TAFA4: variants seen among roughly 807,000 people sequenced by gnomAD.
TAFA4 encodes TAFA chemokine like family member 4, also known as chemokine-like protein TAFA-4.
Under a neutral mutation model 21.1 loss-of-function variants are expected in TAFA4, and 20 were observed. That is an observed-to-expected ratio of 0.95 (90% CI 0.67 to 1.38). TAFA4 has a LOEUF of 1.38. Ranked by LOEUF, TAFA4 falls within the 40% of genes most tolerant of loss-of-function variation. The probability of loss-of-function intolerance (pLI) is 0.00; values close to 1 mark genes in which losing one functional copy is unlikely to be tolerated. For missense variants in TAFA4, 211 were observed against 180.9 expected (o/e 1.17, Z -0.95); for synonymous variants, 71 against 67.4 (o/e 1.05, Z -0.26).
intron 3 of TAFA4, among the ~76,000 whole-genome samples, chr3:68,819,323 A>C (rs1445605236): frequency 1.3e-5 from 2 of 151,494 alleles, no homozygotes; most frequent in African/African-American, 4.9e-5. Flanking sequence ...ACAACAAAGC[A>C]AAGTGCAATA....
chr3:68,768,875 T>A (rs1702903093), intron 3 of TAFA4, among the ~76,000 whole-genome samples: 1 of 152,184 alleles, frequency 6.6e-6, no homozygotes, highest in African/African-American at 2.4e-5. Flanking sequence ...GACTCATATG[T>A]GCAATCTAAC....
chr3:68,855,139 C>T (rs952468925), intron 3 of TAFA4, among the ~76,000 whole-genome samples: 21 of 152,268 alleles, frequency 1.4e-4, no homozygotes, highest in African/African-American at 4.6e-4. Context: ...GCTTATACAA[C>T]TCAACTCAAA....
chr3:68,785,578 C>A (rs1325302118), intron 3 of TAFA4, among the ~76,000 whole-genome samples: 3 of 152,256 alleles, frequency 2.0e-5, no homozygotes, highest in South Asian at 2.1e-4. Flanking sequence ...CCCACCAAGC[C>A]CACACCCACC....
chr3:68,892,238 C>T (rs1034351584), intron 1 of TAFA4, among the ~76,000 whole-genome samples: 2 of 152,114 alleles, frequency 1.3e-5, no homozygotes, highest in Non-Finnish European at 2.9e-5. Flanking sequence ...CTTTTTATTG[C>T]TTCCTTAAAA....
At chr3:68,895,441 G>T (rs1002269006) in intron 1 of TAFA4, among the ~76,000 whole-genome samples, 1 of 152,100 alleles carries the variant, frequency 6.6e-6, no homozygotes, top group Non-Finnish European at 1.5e-5. Flanking sequence ...AGCTGTTTTT[G>T]GTTTTGTTTG....
chr3:68,826,182 G>A (rs1704230398), intron 3 of TAFA4, among the ~76,000 whole-genome samples: 1 of 152,198 alleles, frequency 6.6e-6, no homozygotes, highest in Admixed American at 6.5e-5. Context: ...CCTGCAGTCG[G>A]AAGGCCCAGA....
chr3:68,750,145 A>G (rs1158799202), intron 4 of TAFA4, among the ~76,000 whole-genome samples: 3 of 152,154 alleles, frequency 2.0e-5, no homozygotes, highest in African/African-American at 4.8e-5. Context: ...CAATAAAGGA[A>G]TGGTGGCCAG....
intron 3 of TAFA4, among the ~76,000 whole-genome samples, chr3:68,867,358 A>G (rs1338452235): frequency 6.6e-6 from 1 of 152,150 alleles, no homozygotes; most frequent in Admixed American, 6.5e-5. Flanking sequence ...TGAAGGACAG[A>G]TGAAGTCTTT....
At chr3:68,911,647 A>G (rs2089962751) in intron 1 of TAFA4, among the ~76,000 whole-genome samples, 1 of 152,246 alleles carries the variant, frequency 6.6e-6, no homozygotes, top group Non-Finnish European at 1.5e-5. Context: ...AGAACAAATC[A>G]GGAAGGGAGA....
At chr3:68,824,586 C>T (rs1189443447) in intron 3 of TAFA4, among the ~76,000 whole-genome samples, 4 of 152,208 alleles carry the variant, frequency 2.6e-5, no homozygotes, top group Non-Finnish European at 5.9e-5. Context: ...AAGCCCTTTT[C>T]ACCATGTAAG....
intron 5 of TAFA4, among the ~76,000 whole-genome samples, chr3:68,737,250 G>GA (rs766344547): frequency 2.2e-4 from 34 of 152,190 alleles, no homozygotes; most frequent in Non-Finnish European, 4.0e-4. Flanking sequence ...AAGGAATTAG[G>GA]AAAAAATAGC....
At chr3:68,812,805 C>T (rs1016695161) in intron 3 of TAFA4, among the ~76,000 whole-genome samples, 1 of 152,174 alleles carries the variant, frequency 6.6e-6, no homozygotes, top group Non-Finnish European at 1.5e-5. Flanking sequence ...GAATTGAACT[C>T]AGCTCTGCAC....
At chr3:68,852,472 C>T (rs1704972975) in intron 3 of TAFA4, among the ~76,000 whole-genome samples, 1 of 152,142 alleles carries the variant, frequency 6.6e-6, no homozygotes, top group Admixed American at 6.5e-5. Context: ...ATTAGCGAGG[C>T]TCCTTGGCTG....
chr3:68,867,435 G>A (rs570143604), intron 3 of TAFA4, among the ~76,000 whole-genome samples: 26 of 152,198 alleles, frequency 1.7e-4, no homozygotes, highest in Admixed American at 1.2e-3. Flanking sequence ...GCTAAATGGA[G>A]TTCTTCAATC....
At position 68,862,747 on chromosome 3, in the gene TAFA4, T is replaced by C. The variant is rs2089363049; in HGVS notation, c.130+17983A>G. 2.6e-5 allele frequency among the ~76,000 whole-genome samples: 4 copies of C among 151,946 alleles called. No individual in the cohort carries two copies. The South Asian group carries it at 8.3e-4, about 31-fold the overall frequency. ...CCTTGGGCTGGTACCGTCTGAGATG[T>C]CTGGAAACTGACATCTATCTCAGTG... On this transcript the variant is annotated intron_variant, in intron 3 of 5. Transcript: ENST00000295569.
chr3:68,780,435 G>T (rs2314317), intron 3 of TAFA4, among the ~76,000 whole-genome samples: 104,478 of 152,026 alleles, frequency 0.69, 36,430 homozygotes, highest in East Asian at 0.98. Context: ...CCATGTAGTG[G>T]GGGAGGGACC....
intron 3 of TAFA4, among the ~76,000 whole-genome samples, chr3:68,757,997 G>A (rs186513421): frequency 1.4e-3 from 214 of 152,012 alleles, no homozygotes; most frequent in African/African-American, 4.8e-3. Context: ...TTTTTACTCC[G>A]ATTTTATCTT....
At chr3:68,809,329 C>A (rs988087515) in intron 3 of TAFA4, among the ~76,000 whole-genome samples, 10 of 152,078 alleles carry the variant, frequency 6.6e-5, no homozygotes, top group Admixed American at 6.5e-4. Context: ...TTTGGTTTAC[C>A]AGTGCAATGA....
intron 3 of TAFA4, among the ~76,000 whole-genome samples, chr3:68,824,834 C>G (rs10470577): frequency 4.1e-4 from 62 of 152,086 alleles, no homozygotes; most frequent in African/African-American, 1.4e-3. Flanking sequence ...CTGACTCTAA[C>G]GGCAGCTACT....
Sources: allele counts gnomAD v4.1 joint callset (sites outside exome capture counted in the v4.1 genomes callset), GRCh38; gene constraint gnomAD v4.1.1; transcripts MANE v1.5; gene names NCBI Gene and HGNC (gene_info 2026-07-23, HGNC 2026-07-21).